The following ANTXR1 variants were observed in gnomAD, a reference collection of about 807,000 sequenced individuals.
ANTXR1 encodes the protein anthrax toxin receptor 1.
Under a neutral mutation model 78.1 loss-of-function variants are expected in ANTXR1, and 19 were observed. The observed-to-expected ratio is 0.24, with a 90% CI of 0.17 to 0.36. The LOEUF (loss-of-function observed/expected upper bound fraction) is 0.36. ANTXR1 is among the 10% of genes least tolerant of loss of function. The pLI is 1.00. For synonymous variants in ANTXR1, 273 were observed against 260.5 expected (o/e 1.05, Z -0.46); for missense variants, 518 against 718.6 (o/e 0.72, Z 3.19).
intron 17 of ANTXR1, among the ~76,000 whole-genome samples, chr2:69,231,698 T>C (rs985390038): frequency 2.0e-5 from 3 of 152,138 alleles, no homozygotes; most frequent in South Asian, 2.1e-4. Context: ...TGATTGGACA[T>C]CCCAGAGGGC....
At chr2:69,084,157 G>A (rs901110090) in intron 8 of ANTXR1, among the ~76,000 whole-genome samples, 2 of 152,178 alleles carry the variant, frequency 1.3e-5, no homozygotes, top group African/African-American at 4.8e-5. Context: ...ATTTTAGAAC[G>A]AAATCAGCTC....
At chr2:69,134,026 C>G (rs1190845458) in intron 12 of ANTXR1, among the ~76,000 whole-genome samples, 3 of 152,144 alleles carry the variant, frequency 2.0e-5, no homozygotes, top group Non-Finnish European at 4.4e-5. Flanking sequence ...ATGTTGTGGT[C>G]TCTATATGAA....
chr2:69,079,592 C>G (rs543700411), intron 8 of ANTXR1, among the ~76,000 whole-genome samples: 1 of 152,258 alleles, frequency 6.6e-6, no homozygotes, highest in African/African-American at 2.4e-5. Flanking sequence ...TAAGCCTAGA[C>G]ATTGGGTTGA....
intron 1 of ANTXR1, among the ~76,000 whole-genome samples, chr2:69,037,327 C>A (rs928649829): frequency 1.3e-5 from 2 of 152,142 alleles, no homozygotes; most frequent in Non-Finnish European, 1.5e-5. Context: ...TTCTTTAAGA[C>A]CGATTGCCAC....
At chr2:69,091,860 C>T (rs1409607815) in intron 9 of ANTXR1, among the ~76,000 whole-genome samples, 1 of 152,158 alleles carries the variant, frequency 6.6e-6, no homozygotes, top group Non-Finnish European at 1.5e-5. Flanking sequence ...TGATCAAAAT[C>T]AGGGTCATGC....
At chr2:69,210,243 G>A (rs544123798) in intron 17 of ANTXR1, among the ~76,000 whole-genome samples, 51 of 152,268 alleles carry the variant, frequency 3.3e-4, no homozygotes, top group African/African-American at 1.1e-3. Flanking sequence ...TGTTCACCCC[G>A]TAATAATGCC....
At chr2:69,074,124 A>T (rs1471529066) in intron 6 of ANTXR1, among the ~76,000 whole-genome samples, 1 of 152,234 alleles carries the variant, frequency 6.6e-6, no homozygotes, top group Non-Finnish European at 1.5e-5. Flanking sequence ...CCATGAAATA[A>T]TGGTCAGCCC....
At chr2:69,223,480 A>G (rs1675370648) in intron 17 of ANTXR1, among the ~76,000 whole-genome samples, 1 of 152,188 alleles carries the variant, frequency 6.6e-6, no homozygotes, top group Non-Finnish European at 1.5e-5. Flanking sequence ...GGAATAAGGA[A>G]AGCTGTTGTT....
At chr2:69,115,228 C>T (rs942677571) in intron 10 of ANTXR1, among the ~76,000 whole-genome samples, 3 of 152,212 alleles carry the variant, frequency 2.0e-5, no homozygotes, top group Admixed American at 6.5e-5. Context: ...GAACACTGCA[C>T]TATATTCATG....
intron 12 of ANTXR1, among the ~76,000 whole-genome samples, chr2:69,132,165 T>A (rs1003437139): frequency 7.9e-5 from 12 of 152,198 alleles, no homozygotes; most frequent in African/African-American, 2.9e-4. Context: ...CACCCTGGAA[T>A]ACCAGAAACA....
At chr2:69,236,203 T>TA (rs1481180498) in intron 17 of ANTXR1, among the ~76,000 whole-genome samples, 1 of 151,724 alleles carries the variant, frequency 6.6e-6, no homozygotes, top group Non-Finnish European at 1.5e-5. Flanking sequence ...TACAAATCAG[T>TA]AAAAAAGATC....
intron 16 of ANTXR1, among the ~76,000 whole-genome samples, chr2:69,190,161 C>T (rs186096582): frequency 3.3e-5 from 5 of 152,216 alleles, no homozygotes; most frequent in Admixed American, 2.6e-4. Flanking sequence ...GGTAGAAGCT[C>T]GTGGCACAGA....
At chr2:69,236,970 CCCTT>C (rs1427743006) in intron 17 of ANTXR1, among the ~76,000 whole-genome samples, 16 of 152,280 alleles carry the variant, frequency 1.1e-4, no homozygotes, top group African/African-American at 3.6e-4. Context: ...ATTCCCTTCT[CCCTT>C]CCTTTTTTTG....
At chr2:69,033,356 G>T (rs72895432) in intron 1 of ANTXR1, among the ~76,000 whole-genome samples, 12,923 of 152,296 alleles carry the variant, frequency 0.085, 573 homozygotes, top group Admixed American at 0.13. Flanking sequence ...AAGACTCCAG[G>T]CAGTCAGAGG....
intron 17 of ANTXR1, among the ~76,000 whole-genome samples, chr2:69,206,226 A>G (rs1038827244): frequency 6.6e-6 from 1 of 152,216 alleles, no homozygotes; most frequent in Non-Finnish European, 1.5e-5. Context: ...ACTGGCCTCA[A>G]TTACTGCAAC....
chr2:69,075,668 T>G lies in ANTXR1; in HGVS notation c.561+10T>G, dbSNP rs764673659. ...TTTCAATGAGACACAGGTATGGTAA[T>G]GGATTTCCTCAGGTTTGGAGCATAC... On this transcript the variant is annotated intron_variant, in intron 7 of 17. Transcript: ENST00000303714. 17 of 1,613,486 alleles carry G rather than the reference T, an allele frequency of 1.1e-5. No individual in the cohort carries two copies. The highest frequency in any genetic ancestry group is 1.4e-5 in the Non-Finnish European group (16 of 1,179,524).
chr2:69,130,895 A>G (rs537485506), intron 12 of ANTXR1, among the ~76,000 whole-genome samples: 1 of 152,336 alleles, frequency 6.6e-6, no homozygotes, highest in East Asian at 1.9e-4. Flanking sequence ...CTAGGAAGAA[A>G]AACACCAGTA....
intron 12 of ANTXR1, among the ~76,000 whole-genome samples, chr2:69,146,657 C>T (rs1673235107): frequency 6.6e-6 from 1 of 152,240 alleles, no homozygotes; most frequent in Non-Finnish European, 1.5e-5. Context: ...ATTCCCCCTG[C>T]CCAATGTGGA....
intron 12 of ANTXR1, among the ~76,000 whole-genome samples, chr2:69,141,652 T>C (rs769057739): frequency 3.9e-5 from 6 of 152,230 alleles, no homozygotes; most frequent in Non-Finnish European, 5.9e-5. Flanking sequence ...CTGTTTTATG[T>C]CTTAATATAA....
Sources: allele counts gnomAD v4.1 joint callset (sites outside exome capture counted in the v4.1 genomes callset), GRCh38; gene constraint gnomAD v4.1.1; transcripts MANE v1.5; gene names NCBI Gene and HGNC (gene_info 2026-07-23, HGNC 2026-07-21).